NBL1: variants seen among roughly 807,000 people sequenced by gnomAD.
NBL1 encodes neuroblastoma suppressor of tumorigenicity 1.
A neutral mutation model predicts 16.0 loss-of-function variants in NBL1; 9 were observed. The ratio of observed to expected loss-of-function variants is 0.56; its 90% CI spans 0.34 to 0.98. The LOEUF is 0.98. NBL1 is among the 50% of genes least tolerant of loss of function. The pLI, the probability that NBL1 is intolerant of heterozygous loss-of-function variation, is 0.02. For missense variants in NBL1, 196 were observed against 243.1 expected (o/e 0.81, Z 1.29); for synonymous variants, 86 against 100.7 (o/e 0.85, Z 0.87).
upstream of NBL1, chr1:19,644,088 C>T (rs902631780): frequency 1.3e-5 from 13 of 973,592 alleles, no homozygotes; most frequent in African/African-American, 1.8e-4. The surrounding 1 kb of genome is among the most constrained non-coding windows in gnomAD (Gnocchi z 4.6). Context: ...ACCACGCCGT[C>T]GGAGCGCGCC....
intron 1 of NBL1, among the ~76,000 whole-genome samples, chr1:19,651,970 TG>T (rs1461338746): frequency 3.3e-5 from 5 of 152,216 alleles, no homozygotes; most frequent in Non-Finnish European, 5.9e-5. Flanking sequence ...CTTGGACTCC[TG>T]AGTTCAAGTG....
chr1:19,651,900 A>ATATTT (rs201616380), intron 1 of NBL1, among the ~76,000 whole-genome samples: 25 of 152,174 alleles, frequency 1.6e-4, no homozygotes, highest in Admixed American at 3.3e-4. Flanking sequence ...TAATAAAAAA[A>ATATTT]TATTTTATTT....
chr1:19,643,505 G>A (rs2094960195), upstream of NBL1: 3 of 1,530,590 alleles, frequency 2.0e-6, no homozygotes, highest in Non-Finnish European at 2.6e-6. The surrounding 1 kb of genome is among the most constrained non-coding windows in gnomAD (Gnocchi z 4.7). Context: ...CCGTTGTTAA[G>A]CACACAGAAT....
At chr1:19,651,191 G>A (rs1003651072) in intron 1 of NBL1, among the ~76,000 whole-genome samples, 2 of 152,210 alleles carry the variant, frequency 1.3e-5, no homozygotes, top group African/African-American at 4.8e-5. Flanking sequence ...AGGGGCTGCA[G>A]TTCAAACACT....
intron 1 of NBL1, among the ~76,000 whole-genome samples, chr1:19,653,059 G>T (rs934935078): frequency 6.6e-6 from 1 of 151,630 alleles, no homozygotes; most frequent in Admixed American, 6.6e-5. Context: ...AGGCTGAGGC[G>T]GGCGGATCAC....
In NBL1 at chr1:19,644,649, C is replaced by A. The variant is rs2094966814; in HGVS notation, c.-20+203C>A. Among the ~76,000 whole-genome samples, 1 of 151,502 alleles carries A rather than the reference C, an allele frequency of 6.6e-6. No individual in the cohort carries two copies. The highest frequency in any genetic ancestry group is 6.6e-5 in the Admixed American group (1 of 15,230). ...GACGCCGGCGCTGGGGACGTGGGCG[C>A]GGCACGGGGTGGCCGGGGGGCACCG... On this transcript the variant is annotated intron_variant, in intron 1 of 3. Transcript: ENST00000375136. This position sits in a 1 kb window ranked among gnomAD's most constrained non-coding sequence, Gnocchi z 4.6.
At chr1:19,646,136 C>T (rs2094978767) in intron 1 of NBL1, 1 of 1,331,710 alleles carries the variant, frequency 7.5e-7, no homozygotes, top group Non-Finnish European at 1.0e-6. Flanking sequence ...TGTGTGTCCG[C>T]CCTCTGGACA....
At position 19,655,014 on chromosome 1, in the gene NBL1, C is replaced by G. The variant is rs753749974; in HGVS notation, c.-17C>G. The G allele has an allele frequency of 1.3e-6, 2 of 1,595,896 alleles. No individual in the cohort carries two copies. Among genetic ancestry groups the G allele is most frequent in the South Asian group, 2.3e-5 (2 of 88,416 alleles). On this transcript the variant is annotated splice_region_variant and 5_prime_UTR_variant, in exon 2 of 4. Transcript: ENST00000375136. ...CTGGCACCTGTGCTCCGTTCTAGGG[C>G]TCTGGAGGCCACGGGCATGATGCTT... is the stretch of plus-strand genomic sequence containing the variant.
chr1:19,654,055 A>G lies in NBL1; in HGVS notation c.-19-957A>G, dbSNP rs554747206. ...TTTCTGGTGAGGCATCTTAGAGAAC[A>G]ATACTGTCTGGTTCAGGGTCAGTTT... On this transcript the variant is annotated intron_variant, in intron 1 of 3. Coordinates refer to ENST00000375136, the MANE Select transcript of NBL1 (RefSeq NM_005380.8). Among the ~76,000 whole-genome samples, 9 of 152,310 alleles carry G rather than the reference A, an allele frequency of 5.9e-5. No homozygotes were observed. In the South Asian group the frequency reaches 1.9e-3, roughly 32 times the overall value.
In NBL1 at chr1:19,647,752, G is replaced by A. The variant is rs140426006; in HGVS notation, c.-20+3306G>A. On this transcript the variant is annotated intron_variant, in intron 1 of 3. Coordinates refer to ENST00000375136, the MANE Select transcript of NBL1 (RefSeq NM_005380.8). Reference sequence around the variant, plus strand: ...GTTCTGGAAGCAGGAGGTGAAGATGGGGAGGGAGAGCCCTGCCCTTTCCAC... The same window carrying A: ...GTTCTGGAAGCAGGAGGTGAAGATGAGGAGGGAGAGCCCTGCCCTTTCCAC... 107 of 811,424 alleles carry A rather than the reference G, an allele frequency of 1.3e-4. No homozygotes were observed. In the Middle Eastern group the frequency reaches 1.9e-3, roughly 14 times the overall value. 50.3% of individuals were successfully genotyped at this position (811,424 alleles called of 1,614,324 possible). A position where few individuals can be genotyped will look rare whatever the true frequency, so the allele number is the denominator to read the frequency against.
intron 1 of NBL1, chr1:19,646,156 T>C: frequency 1.7e-6 from 2 of 1,173,496 alleles, no homozygotes; most frequent in Non-Finnish European, 2.4e-6. Context: ...AGTTGACTCA[T>C]GCTCTCCCCA....
upstream of NBL1, chr1:19,643,573 G>A: frequency 7.1e-7 from 1 of 1,412,860 alleles, no homozygotes; most frequent in Non-Finnish European, 9.2e-7. The surrounding 1 kb of genome is among the most constrained non-coding windows in gnomAD (Gnocchi z 4.7). Context: ...GAACCCCCGA[G>A]GTGAGGCTGG....
intron 3 of NBL1, 121 bp downstream of exon 3, chr1:19,655,556 G>C: frequency 8.7e-7 from 1 of 1,149,638 alleles, no homozygotes; most frequent in Admixed American, 2.3e-5. Context: ...GCCCCACTGT[G>C]TGCAGGGTGA....
Position 19,648,956 on chromosome 1 carries a change from T to C in NBL1, c.-20+4510T>C, listed in dbSNP as rs184427249. Among the ~76,000 whole-genome samples the C allele has an allele frequency of 1.9e-3, 286 of 152,280 alleles. 3 individuals carry two copies. Among genetic ancestry groups the C allele is most frequent in the Middle Eastern group, 0.017 (5 of 294 alleles). Reference sequence around the variant, plus strand: ...CAGGAATGGGATTTGAACTCTGGTCTGTGGAGCCCCCAAGCTTCCAGTCCA... The same window carrying C: ...CAGGAATGGGATTTGAACTCTGGTCCGTGGAGCCCCCAAGCTTCCAGTCCA... On this transcript the variant is annotated intron_variant, in intron 1 of 3. Transcript: ENST00000375136.
intron 1 of NBL1, among the ~76,000 whole-genome samples, chr1:19,654,066 G>A (rs925986934): frequency 2.0e-5 from 3 of 152,222 alleles, no homozygotes; most frequent in Non-Finnish European, 4.4e-5. Flanking sequence ...ATACTGTCTG[G>A]TTCAGGGTCA....
intron 1 of NBL1, chr1:19,645,384 C>T (rs2094972591): frequency 2.0e-6 from 2 of 986,420 alleles, no homozygotes; most frequent in Non-Finnish European, 2.4e-6. Flanking sequence ...TTACAAGCGG[C>T]GGCAAAGGGG....
intron 1 of NBL1, chr1:19,647,490 C>A: frequency 2.9e-6 from 1 of 349,446 alleles, no homozygotes; most frequent in Non-Finnish European, 4.0e-6. Context: ...GAACCCCAGT[C>A]TGTCATAATT....
At chr1:19,656,231 G>A (rs1294196707) in intron 3 of NBL1, among the ~76,000 whole-genome samples, 6 of 151,796 alleles carry the variant, frequency 4.0e-5, no homozygotes, top group African/African-American at 7.3e-5. Context: ...GAGGGAGAAG[G>A]AAAAAAGGTA....
Position 19,644,500 on chromosome 1 carries a change from G to A in NBL1, c.-20+54G>A. ...CGCCCGGCTTCCAGAGGCTTCGGCC[G>A]CGGGGGCAGTGCCGCGCCCCCAGCC... On this transcript the variant is annotated intron_variant, in intron 1 of 3. Coordinates refer to ENST00000375136, the MANE Select transcript of NBL1 (RefSeq NM_005380.8). This position sits in a 1 kb window ranked among gnomAD's most constrained non-coding sequence, Gnocchi z 4.6. 2 of 944,940 alleles carry A rather than the reference G, an allele frequency of 2.1e-6. No homozygotes were observed. Among genetic ancestry groups the A allele is most frequent in the Non-Finnish European group, 1.3e-6 (1 of 795,916 alleles). 58.5% of individuals were successfully genotyped at this position (944,940 alleles called of 1,614,324 possible).
Sources: allele counts gnomAD v4.1 joint callset (sites outside exome capture counted in the v4.1 genomes callset), GRCh38; gene constraint gnomAD v4.1.1; non-coding constraint Gnocchi (gnomAD v3.1); transcripts MANE v1.5; gene names NCBI Gene and HGNC (gene_info 2026-07-23, HGNC 2026-07-21).